FGD6: variants seen among roughly 807,000 people sequenced by gnomAD.
FGD6 encodes FYVE, RhoGEF and PH domain-containing protein 6.
A neutral mutation model predicts 149.4 loss-of-function variants in FGD6; 90 were observed. The observed-to-expected ratio is 0.60, with a 90% CI of 0.51 to 0.72. FGD6 has a LOEUF of 0.72. Among genes scored for constraint, FGD6 ranks in the 30% least tolerant of loss-of-function variants. The pLI is 0.00. For synonymous variants in FGD6, 527 were observed against 584.0 expected (o/e 0.90, Z 1.41); for missense variants, 1,437 against 1,684.8 (o/e 0.85, Z 2.57).
intron 3 of FGD6, among the ~76,000 whole-genome samples, chr12:95,155,235 A>G (rs1880430300): frequency 6.6e-6 from 1 of 152,192 alleles, no homozygotes; most frequent in African/African-American, 2.4e-5. Flanking sequence ...ATTTTTAAAA[A>G]CTGTAATCAG....
chr12:95,132,206 A>G (rs746041968), intron 8 of FGD6, among the ~76,000 whole-genome samples: 1 of 152,146 alleles, frequency 6.6e-6, no homozygotes, highest in African/African-American at 2.4e-5. Flanking sequence ...GCTGAAGTGC[A>G]GTAGCATGAC....
chr12:95,146,398 G>T (rs1880016797), intron 5 of FGD6, among the ~76,000 whole-genome samples: 1 of 152,300 alleles, frequency 6.6e-6, no homozygotes, highest in Middle Eastern at 3.4e-3. Context: ...TGAGGCAGAA[G>T]AATCTAAATT....
At chr12:95,152,332 C>CA (rs1157538600) in intron 5 of FGD6, among the ~76,000 whole-genome samples, 5 of 150,542 alleles carry the variant, frequency 3.3e-5, no homozygotes, top group South Asian at 2.1e-4. Flanking sequence ...TCTCTCAAAT[C>CA]AAAAAAACAA....
intron 2 of FGD6, among the ~76,000 whole-genome samples, chr12:95,208,077 C>T (rs900690111): frequency 2.6e-5 from 4 of 151,944 alleles, no homozygotes; most frequent in Admixed American, 1.3e-4. Context: ...ATGGCAAAAC[C>T]CTGTCTCTAC....
At position 95,102,719 on chromosome 12, in the gene FGD6, G is replaced by T. The variant is rs190700930; in HGVS notation, c.3497+2288C>A. Reference sequence around the variant, plus strand: ...AGTAGCACACCCCAGGATGACTCTTGTGGTCCTCTGATTTTGGGAAGTCAG... The same window carrying T: ...AGTAGCACACCCCAGGATGACTCTTTTGGTCCTCTGATTTTGGGAAGTCAG... On this transcript the variant is annotated intron_variant, in intron 14 of 20. Coordinates refer to ENST00000343958, the MANE Select transcript of FGD6 (RefSeq NM_018351.4). 3.6e-3 allele frequency among the ~76,000 whole-genome samples: 551 copies of T among 152,276 alleles called. 3 individuals carry two copies. Among genetic ancestry groups the T allele is most frequent in the African/African-American group, 0.012 (486 of 41,544 alleles).
chr12:95,162,874 C>T (rs907512709), intron 3 of FGD6, among the ~76,000 whole-genome samples: 1 of 152,112 alleles, frequency 6.6e-6, no homozygotes, highest in African/African-American at 2.4e-5. Context: ...CAATGTGTCC[C>T]GAAGATTTAA....
At chr12:95,213,958 T>C (rs568962374) in intron 1 of FGD6, among the ~76,000 whole-genome samples, 1 of 152,338 alleles carries the variant, frequency 6.6e-6, no homozygotes, top group African/African-American at 2.4e-5. Context: ...CAGACCTGGC[T>C]GCCTCACTTT....
At chr12:95,156,149 A>G (rs1037487708) in intron 3 of FGD6, among the ~76,000 whole-genome samples, 3 of 152,188 alleles carry the variant, frequency 2.0e-5, no homozygotes, top group African/African-American at 7.2e-5. Context: ...AAATCTGGGC[A>G]CCTTGAAAAA....
chr12:95,163,909 A>C (rs2136279007), intron 3 of FGD6, among the ~76,000 whole-genome samples: 1 of 152,328 alleles, frequency 6.6e-6, no homozygotes, highest in East Asian at 1.9e-4. Flanking sequence ...TAAAAGCTCT[A>C]TATTATCTCC....
At chr12:95,189,946 T>C (rs1031929978) in intron 2 of FGD6, among the ~76,000 whole-genome samples, 1 of 152,218 alleles carries the variant, frequency 6.6e-6, no homozygotes, top group Non-Finnish European at 1.5e-5. Context: ...TAGTACTAAC[T>C]TTCATTGTAA....
Position 95,134,825 on chromosome 12 carries a change from A to T in FGD6, c.2996T>A (p.Met999Lys). 1 of 1,610,942 alleles carries T rather than the reference A, an allele frequency of 6.2e-7. No homozygotes were observed. Among genetic ancestry groups the T allele is most frequent in the South Asian group, 1.1e-5 (1 of 90,464 alleles). Reference protein sequence around the residue: ...GFAAVVREFEMSPRCANLALK... With the variant: ...GFAAVVREFEKSPRCANLALK... ...GGCCAGATTAGCACAGCGAGGGCTC[A>T]TCTGAAAGGAGAAGGCATCTAAATT... Residue 999 changes from methionine (M) to lysine (K), a missense_variant and splice_region_variant, in exon 8 of 21, where the codon ATG becomes AAG. This residue lies in a region of FGD6 where 382 missense variants were observed against 538.7 expected (regional missense o/e 0.71). Coordinates refer to ENST00000343958, the MANE Select transcript of FGD6 (RefSeq NM_018351.4).
chr12:95,087,467 C>A (rs1877918141), intron 18 of FGD6, among the ~76,000 whole-genome samples: 1 of 152,100 alleles, frequency 6.6e-6, no homozygotes. Context: ...GTTGAGAGGT[C>A]CACATGGCAA....
intron 3 of FGD6, among the ~76,000 whole-genome samples, chr12:95,161,742 C>A (rs186673019): frequency 6.6e-6 from 1 of 152,256 alleles, no homozygotes; most frequent in African/African-American, 2.4e-5. Context: ...TCAGTACCAT[C>A]TTTACACTTT....
At chr12:95,097,334 T>C (rs571334171) in intron 14 of FGD6, among the ~76,000 whole-genome samples, 5 of 152,252 alleles carry the variant, frequency 3.3e-5, no homozygotes, top group South Asian at 2.1e-4. Context: ...CTGGGATGAA[T>C]TGCCAAGGGT....
chr12:95,083,012 A>AATATATATATATATATATATATATAT (rs1555215600), intron 20 of FGD6, among the ~76,000 whole-genome samples: 8 of 20,026 alleles, frequency 4.0e-4, no homozygotes, highest in Non-Finnish European at 6.6e-4. Flanking sequence ...AAAAAAAAAA[A>AATATATATATATATATATATATATAT]ATATATATAT....
At chr12:95,093,750 G>A (rs1334012867) in intron 15 of FGD6, among the ~76,000 whole-genome samples, 22 of 151,894 alleles carry the variant, frequency 1.4e-4, no homozygotes, top group Admixed American at 1.4e-3. Context: ...TTGGGAGGCT[G>A]AGGCAGGAGA....
chr12:95,202,876 C>T lies in FGD6; in HGVS notation c.2441+5967G>A, dbSNP rs181943106. ...GAGGCATACAGATTTTTTACATTTC[C>T]TGAGCTGTCTCTGAAAATAACTTAC... On this transcript the variant is annotated intron_variant, in intron 2 of 20. Transcript: ENST00000343958. Among the ~76,000 whole-genome samples, 7 of 152,288 alleles carry T rather than the reference C, an allele frequency of 4.6e-5. No individual in the cohort carries two copies. The East Asian group carries it at 1.4e-3, about 29-fold the overall frequency.
chr12:95,107,640 C>T lies in FGD6; in HGVS notation c.3265-9G>A, dbSNP rs755535193. 1.3e-5 allele frequency: 21 copies of T among 1,613,650 alleles called. No individual in the cohort carries two copies. Among genetic ancestry groups the T allele is most frequent in the Admixed American group, 1.7e-5 (1 of 59,994 alleles). ...CCTTCTTTGAGAAAAACCTGATTCA[C>T]CCAAACAAACACCCATTTAGTCCTA... On this transcript the variant is annotated splice_polypyrimidine_tract_variant and intron_variant, in intron 11 of 20. Transcript: ENST00000343958.
intron 5 of FGD6, among the ~76,000 whole-genome samples, chr12:95,145,707 T>A (rs1371145323): frequency 6.6e-6 from 1 of 152,148 alleles, no homozygotes; most frequent in Non-Finnish European, 1.5e-5. Flanking sequence ...AGATGGAGTT[T>A]TGCTCTGTCG....
Sources: gnomAD v4.1 joint callset for allele counts (sites outside exome capture counted in the v4.1 genomes callset) on GRCh38, gnomAD v4.1.1 for gene constraint, gnomAD v4.1.1 regional missense constraint, MANE v1.5 for transcripts, NCBI Gene and HGNC (gene_info 2026-07-23, HGNC 2026-07-21) for gene names.